The following CWC25 variants were observed in gnomAD, a reference collection of about 807,000 sequenced individuals.
The protein encoded by CWC25 is pre-mRNA-splicing factor CWC25 homolog.
A neutral mutation model predicts 54.6 loss-of-function variants in CWC25; 31 were observed. The observed-to-expected ratio is 0.57, with a 90% CI of 0.43 to 0.77. The LOEUF is 0.77. Ranked by LOEUF, CWC25 falls within the 30% of genes least tolerant of loss-of-function variation. The pLI, the probability that CWC25 is intolerant of heterozygous loss-of-function variation, is 0.00. For synonymous variants in CWC25, 151 were observed against 187.0 expected, an observed-to-expected ratio of 0.81 and a Z score of 1.57; for missense variants, 453 against 529.3, an observed-to-expected ratio of 0.86 and a Z score of 1.41.
At position 38,806,873 on chromosome 17, in the gene CWC25, T is replaced by A; in HGVS notation, c.794A>T (p.His265Leu). Reference protein sequence around the residue: ...KNHSRSRSSSHSPPRHASKKS... With the variant: ...KNHSRSRSSSLSPPRHASKKS... ...CTTGCTGGCATGTCTTGGGGGTGAG[T>A]GGGAGGAGCTTCTGGATCTGGAATG... The change falls in exon 7 of 10, where the codon CAC becomes CTC. Residue 265 changes from histidine (H) to leucine (L), a missense_variant. Physicochemically the swap from His to Leu is moderately conservative, Grantham distance 99. Coordinates refer to ENST00000614790, the MANE Select transcript of CWC25 (RefSeq NM_017748.5). 6.2e-7 allele frequency: 1 copy of A among 1,613,502 alleles called. No individual in the cohort carries two copies. The highest frequency in any genetic ancestry group is 8.5e-7 in the Non-Finnish European group (1 of 1,179,762).
intron 4 of CWC25, among the ~76,000 whole-genome samples, chr17:38,811,042 C>A (rs1468687723): frequency 1.3e-5 from 2 of 151,120 alleles, no homozygotes; most frequent in African/African-American, 4.9e-5. Context: ...ACCACCCTGG[C>A]CAATATGGTG....
intron 2 of CWC25, among the ~76,000 whole-genome samples, 157 bp from the exon 3 acceptor site, chr17:38,815,254 C>T (rs765724857): frequency 2.0e-5 from 3 of 152,074 alleles, no homozygotes; most frequent in Admixed American, 1.3e-4. Flanking sequence ...CCCATGTGGC[C>T]GGCATAAAGA....
chr17:38,819,096 C>T (rs1911820206), intron 2 of CWC25, among the ~76,000 whole-genome samples: 1 of 152,094 alleles, frequency 6.6e-6, no homozygotes, highest in South Asian at 2.1e-4. Context: ...AATCATAGCT[C>T]ACTGTAGCCT....
intron 1 of CWC25, 49 bp downstream of exon 1, chr17:38,825,117 T>G: frequency 9.4e-6 from 10 of 1,058,954 alleles, no homozygotes; most frequent in Non-Finnish European, 1.1e-5. Flanking sequence ...CCCCTGCCAA[T>G]TTCCGTCCCG....
chr17:38,802,726 C>T lies in CWC25; in HGVS notation c.1137G>A (p.Leu379=). The T allele has an allele frequency of 6.2e-7, 1 of 1,614,014 alleles. No homozygotes were observed. The highest frequency in any genetic ancestry group is 8.5e-7 in the Non-Finnish European group (1 of 1,179,886). ...GGATGAACTTCCCATCCCGGGAGTCCAGCTTCTCTAGCCTCTGCTCCCGTT... is the reference window on the plus strand; with the variant it reads ...GGATGAACTTCCCATCCCGGGAGTCTAGCTTCTCTAGCCTCTGCTCCCGTT... ...DEEREQRLEK[L]DSRDGKFIHR... The change falls in exon 9 of 10, where the codon CTG becomes CTA. Residue 379 remains leucine, a synonymous_variant. Coordinates refer to ENST00000614790, the MANE Select transcript of CWC25 (RefSeq NM_017748.5).
In CWC25 at chr17:38,810,501, C is replaced by T. The variant is rs116388690; in HGVS notation, c.593G>A (p.Arg198His). The T allele has an allele frequency of 2.5e-4, 398 of 1,605,484 alleles. No homozygotes were observed. The African/African-American group carries it at 4.7e-3, about 19-fold the overall frequency. ...KHKHRSSSSD[R>H]SSSEDEHSAG... ...ACTGTGCTCATCCTCGCTGCTGGAA[C>T]GATCACTACTCGAGCTTCTGTGCTT... Residue 198 changes from arginine to histidine, a missense_variant, in exon 5 of 10, where the codon CGT (arginine) becomes CAT (histidine). Transcript: ENST00000614790.
chr17:38,814,722 G>T, intron 3 of CWC25, 139 bp downstream of exon 3: 1 of 685,586 alleles, frequency 1.5e-6, no homozygotes, highest in Non-Finnish European at 2.4e-6. Context: ...CTTCAGCCTG[G>T]GCGACAGAGC....
At chr17:38,806,547 C>T (rs770092881) in intron 7 of CWC25, 152 bp from the exon 8 acceptor site, 49 of 759,998 alleles carry the variant, frequency 6.4e-5, no homozygotes, top group Non-Finnish European at 9.7e-5. Flanking sequence ...GTTAGACTCA[C>T]CCCAGAGCTC....
chr17:38,813,631 C>A (rs968684919), intron 3 of CWC25, among the ~76,000 whole-genome samples: 34 of 151,758 alleles, frequency 2.2e-4, no homozygotes, highest in African/African-American at 8.0e-4. Flanking sequence ...GCAGCCTTGA[C>A]CACCTGGGCT....
At chr17:38,817,671 C>T (rs1379675521) in intron 2 of CWC25, among the ~76,000 whole-genome samples, 1 of 151,952 alleles carries the variant, frequency 6.6e-6, no homozygotes, top group Non-Finnish European at 1.5e-5. Context: ...TCTGTAGTCC[C>T]AGCTACTCGG....
intron 2 of CWC25, among the ~76,000 whole-genome samples, chr17:38,819,592 G>A (rs1464096842): frequency 2.0e-5 from 3 of 150,194 alleles, no homozygotes; most frequent in Admixed American, 6.7e-5. Flanking sequence ...GGCTGGTCTC[G>A]AAATCCTGAC....
At position 38,802,840 on chromosome 17, in the gene CWC25, T is replaced by C. The variant is rs542386262; in HGVS notation, c.1023A>G (p.Leu341=). Residue 341 remains leucine (L), a synonymous_variant, in exon 9 of 10, where the codon TTA becomes TTG. Transcript: ENST00000614790. Reference sequence around the variant, plus strand: ...CCATCATCTCTTGCCGTTTTCGCTCTAATTCCTCTGCAGAGAGTTTTCTGT... The same window carrying C: ...CCATCATCTCTTGCCGTTTTCGCTCCAATTCCTCTGCAGAGAGTTTTCTGT... ...GYTRKLSAEE[L]ERKRQEMMEN... 4.3e-6 allele frequency: 7 copies of C among 1,614,010 alleles called. No homozygotes were observed. The highest frequency in any genetic ancestry group is 1.7e-6 in the Non-Finnish European group (2 of 1,179,894).
At chr17:38,815,739 G>A (rs1911670327) in intron 2 of CWC25, 2 of 1,222,172 alleles carry the variant, frequency 1.6e-6, no homozygotes, top group Admixed American at 2.7e-5. Flanking sequence ...TTTCCAAGAT[G>A]ACCTAAAACA....
At chr17:38,812,184 G>A (rs1294636637) in intron 4 of CWC25, among the ~76,000 whole-genome samples, 2 of 151,878 alleles carry the variant, frequency 1.3e-5, no homozygotes, top group African/African-American at 2.4e-5. Flanking sequence ...TGATCCACCC[G>A]CCTCGGCCTC....
At position 38,805,700 on chromosome 17, in the gene CWC25, G is replaced by A. The variant is rs144184497; in HGVS notation, c.1001+597C>T. Reference sequence around the variant, plus strand: ...CAAGCAAGAATGCAGTGGCTTGATCGTAGCTCACTGCAACCTTAATCCCTT... The same window carrying A: ...CAAGCAAGAATGCAGTGGCTTGATCATAGCTCACTGCAACCTTAATCCCTT... On this transcript the variant is annotated intron_variant, in intron 8 of 9. Transcript: ENST00000614790. Among the ~76,000 whole-genome samples the A allele has an allele frequency of 2.0e-3, 312 of 152,216 alleles. 2 individuals are homozygous for A. The highest frequency in any genetic ancestry group is 7.2e-3 in the African/African-American group (298 of 41,534).
intron 2 of CWC25, 84 bp from the exon 3 acceptor site, chr17:38,815,181 A>G (rs957286687): frequency 5.9e-6 from 7 of 1,195,872 alleles, no homozygotes; most frequent in African/African-American, 1.5e-5. Context: ...GACACAAGGG[A>G]GAGAGAACCA....
chr17:38,815,279 C>G (rs750541655), intron 2 of CWC25, among the ~76,000 whole-genome samples, 182 bp from the exon 3 acceptor site: 1 of 152,016 alleles, frequency 6.6e-6, no homozygotes, highest in Non-Finnish European at 1.5e-5. Flanking sequence ...GTGCGGGTTG[C>G]GTGCAGTGGC....
Position 38,825,274 on chromosome 17 carries a change from CGGG to C in CWC25, c.-94_-92del. Reference sequence around the variant, plus strand: ...GAGAAATAGTTCGGGGGCTACCTCGCGGGATCTAGTCCCAGGAGCCGTCAACTG... The same window carrying C: ...GAGAAATAGTTCGGGGGCTACCTCGCATCTAGTCCCAGGAGCCGTCAACTG... On this transcript the variant is annotated 5_prime_UTR_variant, in exon 1 of 10. In the 5' UTR this introduces an upstream ATG that the reference lacks. Transcript: ENST00000614790. 12 of 1,396,862 alleles carry C rather than the reference CGGG, an allele frequency of 8.6e-6. No homozygotes were observed. The South Asian group carries it at 1.5e-4, about 17-fold the overall frequency. 86.5% of individuals were successfully genotyped at this position (1,396,862 alleles called of 1,614,324 possible).
At position 38,801,767 on chromosome 17, in the gene CWC25, T is replaced by C. The variant is rs954867348; in HGVS notation, c.*325A>G. 3 of 217,168 alleles carry C rather than the reference T, an allele frequency of 1.4e-5. No individual in the cohort carries two copies. Among genetic ancestry groups the C allele is most frequent in the African/African-American group, 4.6e-5 (2 of 43,834 alleles). The allele number at this position is 217,168 out of a possible 1,614,324, so 13.5% of individuals were successfully genotyped here. A position where few individuals can be genotyped will look rare whatever the true frequency, so the allele number is the denominator to read the frequency against. ...ACGCTGAGGCAGTGAAATAGGTCTGTTGGCACAGGTAAGAAGGAAGTGGCA... is the reference window on the plus strand; with the variant it reads ...ACGCTGAGGCAGTGAAATAGGTCTGCTGGCACAGGTAAGAAGGAAGTGGCA... On this transcript the variant is annotated 3_prime_UTR_variant, in exon 10 of 10. Coordinates refer to ENST00000614790, the MANE Select transcript of CWC25 (RefSeq NM_017748.5).
Sources: gnomAD v4.1 joint callset for allele counts (sites outside exome capture counted in the v4.1 genomes callset) on GRCh38, gnomAD v4.1.1 for gene constraint, MANE v1.5 for transcripts, NCBI Gene and HGNC (gene_info 2026-07-23, HGNC 2026-07-21) for gene names.